Variants in ZNF623 observed in about 807,000 individuals in gnomAD.
ZNF623 encodes zinc finger protein 623.
A neutral mutation model predicts 24.0 loss-of-function variants in ZNF623; 16 were observed. That is an observed-to-expected ratio of 0.67 (90% CI 0.45 to 1.01). The LOEUF is 1.01. Among genes scored for constraint, ZNF623 ranks in the 50% least tolerant of loss-of-function variants. The pLI is 0.00. For missense variants in ZNF623, 566 were observed against 606.5 expected (o/e 0.93, Z 0.70); for synonymous variants, 224 against 219.8 (o/e 1.02, Z -0.17).
chr8:143,637,377 C>T (rs896491993), intron 1 of ZNF623, among the ~76,000 whole-genome samples: 5 of 152,148 alleles, frequency 3.3e-5, no homozygotes, highest in African/African-American at 1.2e-4. Context: ...AAGCAACACA[C>T]AGTGACTCTG....
intron 1 of ZNF623, among the ~76,000 whole-genome samples, chr8:143,637,536 A>ATATTTATTTATT (rs72024244): frequency 1.3e-5 from 2 of 150,740 alleles, no homozygotes; most frequent in African/African-American, 4.9e-5. Flanking sequence ...ATTTCAAGTG[A>ATATTTATTTATT]TATTTATTTA....
At chr8:143,649,073 C>G (rs949526643) in intron 1 of ZNF623, among the ~76,000 whole-genome samples, 6 of 151,890 alleles carry the variant, frequency 4.0e-5, no homozygotes, top group Admixed American at 3.9e-4. Context: ...GTCAGGAGAT[C>G]GAGACCATCC....
In ZNF623 at chr8:143,652,894, C is replaced by T. The variant is rs992999307; in HGVS notation, c.*1411C>T. On this transcript the variant is annotated 3_prime_UTR_variant, in exon 2 of 2. Transcript: ENST00000526926. Reference sequence around the variant, plus strand: ...ATGTTGGGAAAACAGATGAGCAACCCACTACCCTGAAGTCATCCACCGTGT... The same window carrying T: ...ATGTTGGGAAAACAGATGAGCAACCTACTACCCTGAAGTCATCCACCGTGT... 6.0e-6 allele frequency: 1 copy of T among 167,024 alleles called. No individual in the cohort carries two copies. The highest frequency in any genetic ancestry group is 1.5e-5 in the Non-Finnish European group (1 of 68,134). The allele number at this position is 167,024 out of a possible 1,614,324, so 10.3% of individuals were successfully genotyped here. A position where few individuals can be genotyped will look rare whatever the true frequency, so the allele number is the denominator to read the frequency against.
At chr8:143,643,444 T>G (rs1815104245) in intron 1 of ZNF623, among the ~76,000 whole-genome samples, 1 of 152,234 alleles carries the variant, frequency 6.6e-6, no homozygotes, top group Non-Finnish European at 1.5e-5. Context: ...GGAGAGGGCT[T>G]GGCACTGGGC....
Position 143,651,608 on chromosome 8 carries a change from T to C in ZNF623, c.*125T>C, listed in dbSNP as rs1815324011. 1 of 1,047,500 alleles carries C rather than the reference T, an allele frequency of 9.5e-7. No homozygotes were observed. Among genetic ancestry groups the C allele is most frequent in the Non-Finnish European group, 1.4e-6 (1 of 725,424 alleles). The allele number at this position is 1,047,500 out of a possible 1,614,324, so 64.9% of individuals were successfully genotyped here. A position where few individuals can be genotyped will look rare whatever the true frequency, so the allele number is the denominator to read the frequency against. The stretch of plus-strand genomic sequence containing the variant: ...TGGATGGGGCTGCTTTTGCAGTGGG[T>C]GCCACCTGCCACTGTGCAGCCCTAC... On this transcript the variant is annotated 3_prime_UTR_variant, in exon 2 of 2. Transcript: ENST00000526926.
At chr8:143,640,642 C>CT (rs1040214756) in intron 1 of ZNF623, among the ~76,000 whole-genome samples, 9 of 152,206 alleles carry the variant, frequency 5.9e-5, no homozygotes, top group Non-Finnish European at 1.2e-4. Flanking sequence ...TTCCTCATCT[C>CT]TAAGAAGCAA....
chr8:143,651,223 A>G lies in ZNF623; in HGVS notation c.1231A>G (p.Ile411Val). Residue 411 changes from isoleucine to valine, a missense_variant, in exon 2 of 2, where the codon ATT becomes GTT. Transcript: ENST00000526926. ...IQSSKLLLHQ[I>V]IHTGEKPYVC... ...GAGCTCCAAGCTGCTTCTGCACCAGATTATTCACACTGGAGAAAAGCCCTA... is the reference window on the plus strand; with the variant it reads ...GAGCTCCAAGCTGCTTCTGCACCAGGTTATTCACACTGGAGAAAAGCCCTA... 1.2e-6 allele frequency: 2 copies of G among 1,614,196 alleles called. No homozygotes were observed. The highest frequency in any genetic ancestry group is 1.1e-5 in the South Asian group (1 of 91,078).
chr8:143,643,739 T>C (rs567678147), intron 1 of ZNF623, among the ~76,000 whole-genome samples: 34 of 152,350 alleles, frequency 2.2e-4, no homozygotes, highest in African/African-American at 8.2e-4. Context: ...AGTCGTACAA[T>C]ATGAGCTCTT....
In ZNF623 at chr8:143,650,433, C is replaced by T. The variant is rs1176313880; in HGVS notation, c.441C>T (p.Asp147=). 1 of 1,613,872 alleles carries T rather than the reference C, an allele frequency of 6.2e-7. No individual in the cohort carries two copies. Among genetic ancestry groups the T allele is most frequent in the Non-Finnish European group, 8.5e-7 (1 of 1,180,010 alleles). ...ACGTCTGTAATGTGTGTGGGAAAGACTTCATTCACTATTCAGGTCTCATTG... is the reference window on the plus strand; with the variant it reads ...ACGTCTGTAATGTGTGTGGGAAAGATTTCATTCACTATTCAGGTCTCATTG... The part of the protein sequence containing the change: ...RLYVCNVCGK[D]FIHYSGLIEH... Residue 147 remains aspartate, a synonymous_variant, in exon 2 of 2, where the codon GAC becomes GAT. Transcript: ENST00000526926. The surrounding 1 kb of genome is among the most constrained non-coding windows in gnomAD (Gnocchi z 5.2).
In ZNF623 at chr8:143,651,400, C is replaced by A. The variant is rs1284045990; in HGVS notation, c.1408C>A (p.Gln470Lys). ...TNVKNNQRVH[Q>K]EGLSLSKAPI... ...CGTTAAAAATAATCAAAGGGTTCAC[C>A]AAGAGGGACTCTCCTTGAGTAAGGC... Residue 470 changes from glutamine to lysine, a missense_variant, in exon 2 of 2, where the codon CAA (glutamine) becomes AAA (lysine). By Grantham distance (53) the Gln-to-Lys change is moderately conservative. Transcript: ENST00000526926. 6.2e-7 allele frequency: 1 copy of A among 1,613,990 alleles called. No individual in the cohort carries two copies. The highest frequency in any genetic ancestry group is 1.1e-5 in the South Asian group (1 of 91,058).
chr8:143,651,517 G>A lies in ZNF623; in HGVS notation c.*34G>A. On this transcript the variant is annotated 3_prime_UTR_variant, in exon 2 of 2. Transcript: ENST00000526926. ...CTTTCCCGCCCAGTGAGTGATGTTTGGAAATGCGTGGAATTAGGATTCATG... is the reference window on the plus strand; with the variant it reads ...CTTTCCCGCCCAGTGAGTGATGTTTAGAAATGCGTGGAATTAGGATTCATG... The A allele has an allele frequency of 2.0e-6, 3 of 1,525,812 alleles. No individual in the cohort carries two copies. The highest frequency in any genetic ancestry group is 2.6e-6 in the Non-Finnish European group (3 of 1,139,492). 94.5% of individuals were successfully genotyped at this position (1,525,812 alleles called of 1,614,324 possible). A position where few individuals can be genotyped will look rare whatever the true frequency, so the allele number is the denominator to read the frequency against.
intron 1 of ZNF623, among the ~76,000 whole-genome samples, chr8:143,647,151 T>TG (rs1157269341): frequency 6.7e-5 from 9 of 133,698 alleles, no homozygotes; most frequent in East Asian, 5.4e-4. Flanking sequence ...CTTGCTGTTT[T>TG]TTTTTTTTTT....
chr8:143,645,906 T>A (rs79754525), intron 1 of ZNF623, among the ~76,000 whole-genome samples: 2 of 149,846 alleles, frequency 1.3e-5, no homozygotes, highest in Admixed American at 6.6e-5. Flanking sequence ...TTTTTTTTTT[T>A]ATGGGAGATT....
chr8:143,641,442 GTT>G (rs1156729366), intron 1 of ZNF623, among the ~76,000 whole-genome samples: 8 of 10,060 alleles, frequency 8.0e-4, no homozygotes, highest in African/African-American at 1.3e-3. Context: ...AGTGAGTAGT[GTT>G]TTTTTTTTTT....
At chr8:143,646,899 C>T (rs1815187723) in intron 1 of ZNF623, among the ~76,000 whole-genome samples, 1 of 152,188 alleles carries the variant, frequency 6.6e-6, no homozygotes, top group Non-Finnish European at 1.5e-5. Flanking sequence ...CTCCTGGTCT[C>T]AAGTGACCCT....
At chr8:143,646,097 C>T (rs1180506178) in intron 1 of ZNF623, among the ~76,000 whole-genome samples, 1 of 151,896 alleles carries the variant, frequency 6.6e-6, no homozygotes, top group East Asian at 1.9e-4. Flanking sequence ...GTTGGAGTTC[C>T]ATGGCATAGT....
At chr8:143,642,590 T>C (rs933515111) in intron 1 of ZNF623, among the ~76,000 whole-genome samples, 2 of 152,132 alleles carry the variant, frequency 1.3e-5, no homozygotes, top group Non-Finnish European at 2.9e-5. Flanking sequence ...ATTTCTAGCT[T>C]TTGGTTTAAA....
At position 143,652,981 on chromosome 8, in the gene ZNF623, C is replaced by T; in HGVS notation, c.*1498C>T. The T allele has an allele frequency of 6.0e-6, 1 of 167,306 alleles. No homozygotes were observed. 10.4% of individuals were successfully genotyped at this position (167,306 alleles called of 1,614,324 possible). A position where few individuals can be genotyped will look rare whatever the true frequency, so the allele number is the denominator to read the frequency against. ...GTATGTGCCCTCAGGTGTGAAGGAG[C>T]ACAGGTGAGGGGGTGCCTGCTGTGG... On this transcript the variant is annotated 3_prime_UTR_variant, in exon 2 of 2. Coordinates refer to ENST00000526926, the MANE Select transcript of ZNF623 (RefSeq NM_001261843.2).
intron 1 of ZNF623, among the ~76,000 whole-genome samples, chr8:143,639,555 A>C (rs1445008213): frequency 6.6e-6 from 1 of 152,066 alleles, no homozygotes; most frequent in Non-Finnish European, 1.5e-5. Context: ...GTGTTTCACC[A>C]TGTTGACCAG....
Sources: gnomAD v4.1 joint callset for allele counts (sites outside exome capture counted in the v4.1 genomes callset) on GRCh38, gnomAD v4.1.1 for gene constraint, Gnocchi (gnomAD v3.1) non-coding constraint, MANE v1.5 for transcripts, NCBI Gene and HGNC (gene_info 2026-07-23, HGNC 2026-07-21) for gene names.